The following PDZD2 variants were observed in gnomAD, a reference collection of about 807,000 sequenced individuals.
The protein encoded by PDZD2 is PDZ domain-containing protein 2.
PDZD2 carries 90 observed loss-of-function variants against 220.7 expected under a neutral mutation model. The ratio of observed to expected loss-of-function variants is 0.41; its 90% CI spans 0.34 to 0.49. The LOEUF (loss-of-function observed/expected upper bound fraction) is 0.49, where lower values mean the gene tolerates loss of function less well. Among genes scored for constraint, PDZD2 ranks in the 20% least tolerant of loss-of-function variants. The pLI, the probability that PDZD2 is intolerant of heterozygous loss-of-function variation, is 0.28. For missense variants in PDZD2, 3,174 were observed against 3,608.5 expected (o/e 0.88, Z 3.08); for synonymous variants, 1,375 against 1,450.5 (o/e 0.95, Z 1.18).
intron 24 of PDZD2, chr5:32,103,875 A>C (rs1744488702): frequency 1.3e-5 from 2 of 152,352 alleles, no homozygotes; most frequent in African/African-American, 4.8e-5. Context: ...ATCTGCCTCC[A>C]GCAAAGCAAG....
chr5:32,017,899 T>C (rs1233403586), intron 6 of PDZD2, among the ~76,000 whole-genome samples: 1 of 152,128 alleles, frequency 6.6e-6, no homozygotes, highest in Non-Finnish European at 1.5e-5. Flanking sequence ...TAAACAACCA[T>C]AAAGTGTCAG....
chr5:31,676,438 T>C (rs148273881), intron 1 of PDZD2, among the ~76,000 whole-genome samples: 1 of 151,286 alleles, frequency 6.6e-6, no homozygotes, highest in Non-Finnish European at 1.5e-5. Context: ...GCACTTGAAA[T>C]AGACTTGAAG....
intron 5 of PDZD2, among the ~76,000 whole-genome samples, chr5:32,006,680 C>A (rs1250778310): frequency 1.4e-5 from 2 of 139,706 alleles, no homozygotes; most frequent in Admixed American, 1.4e-4. Flanking sequence ...AGGCTCAACA[C>A]CTTTTTTTTT....
intron 2 of PDZD2, among the ~76,000 whole-genome samples, chr5:31,837,016 AAAAGAAAG>A (rs5867108): frequency 0.15 from 21,986 of 146,540 alleles, 1,694 homozygotes; most frequent in Middle Eastern, 0.19. Context: ...AGACTGTCTT[AAAAGAAAG>A]AAAGAAAGAA....
Position 32,040,728 on chromosome 5 carries a change from G to A in PDZD2, c.1519+3386G>A, listed in dbSNP as rs570272411. ...CTGCCCTGTCTAGGAAGTGAGAAGC[G>A]CCTCTGCCCAGCCGCCCCGTCTGGG... is the stretch of plus-strand genomic sequence containing the variant. On this transcript the variant is annotated intron_variant, in intron 7 of 24. Coordinates refer to ENST00000438447, the MANE Select transcript of PDZD2 (RefSeq NM_178140.4). Among the ~76,000 whole-genome samples the A allele has an allele frequency of 8.3e-4, 120 of 144,920 alleles. 2 individuals carry two copies. In the East Asian group the frequency reaches 0.024, roughly 29 times the overall value.
At chr5:31,857,432 G>C (rs1758557038) in intron 2 of PDZD2, among the ~76,000 whole-genome samples, 1 of 152,124 alleles carries the variant, frequency 6.6e-6, no homozygotes, top group African/African-American at 2.4e-5. Context: ...ACACCTTCCA[G>C]AAGTTCCTGA....
At chr5:31,681,270 A>G (rs1466021051) in intron 1 of PDZD2, among the ~76,000 whole-genome samples, 2 of 152,180 alleles carry the variant, frequency 1.3e-5, no homozygotes, top group African/African-American at 4.8e-5. Flanking sequence ...TTGTTGAGAC[A>G]GAGTCTCACC....
intron 2 of PDZD2, among the ~76,000 whole-genome samples, chr5:31,870,284 G>A (rs544238731): frequency 7.3e-4 from 111 of 152,130 alleles, no homozygotes; most frequent in African/African-American, 2.2e-3. Context: ...AGTCCACCCC[G>A]GCCCCTGCAA....
At chr5:31,881,864 A>G (rs917876155) in intron 2 of PDZD2, among the ~76,000 whole-genome samples, 5 of 150,920 alleles carry the variant, frequency 3.3e-5, no homozygotes, top group African/African-American at 1.2e-4. Flanking sequence ...ACACGCATGC[A>G]TCACCATGCC....
chr5:31,925,774 G>C (rs891147456), intron 2 of PDZD2, among the ~76,000 whole-genome samples: 22 of 130,142 alleles, frequency 1.7e-4, no homozygotes, highest in African/African-American at 5.4e-4. Flanking sequence ...AAAAAAAAAA[G>C]ATAACCCATT....
chr5:32,047,842 C>A (rs1228761783), intron 7 of PDZD2, among the ~76,000 whole-genome samples: 1 of 152,182 alleles, frequency 6.6e-6, no homozygotes, highest in Admixed American at 6.5e-5. Context: ...ATCTCATAAA[C>A]AAATGCTAAG....
At chr5:31,787,891 T>C (rs1441492310) in intron 1 of PDZD2, among the ~76,000 whole-genome samples, 1 of 152,246 alleles carries the variant, frequency 6.6e-6, no homozygotes, top group African/African-American at 2.4e-5. Flanking sequence ...TTATTGTTGC[T>C]GTTTATTTTA....
rs572566811 is a variant in PDZD2, at chr5:31,823,033, C to T, written c.476+23309C>T. The T allele has an allele frequency of 2.6e-4, 300 of 1,174,194 alleles. No individual in the cohort carries two copies. In the African/African-American group the frequency reaches 3.7e-3, roughly 15 times the overall value. The allele number at this position is 1,174,194 out of a possible 1,614,324, so 72.7% of individuals were successfully genotyped here. The stretch of plus-strand genomic sequence containing the variant: ...TACGTTGATGTGATTGAAGTCCCTC[C>T]GCAGGGTTCCTCTGGGGCCCTTCAC... On this transcript the variant is annotated intron_variant, in intron 2 of 24. Coordinates refer to ENST00000438447, the MANE Select transcript of PDZD2 (RefSeq NM_178140.4).
At chr5:32,022,247 G>C (rs1754274833) in intron 6 of PDZD2, among the ~76,000 whole-genome samples, 1 of 148,176 alleles carries the variant, frequency 6.7e-6, no homozygotes, top group African/African-American at 2.5e-5. Flanking sequence ...GCCCAGGCTG[G>C]AGTGCAGTGG....
intron 1 of PDZD2, among the ~76,000 whole-genome samples, chr5:31,675,465 A>G (rs1355273969): frequency 6.6e-6 from 1 of 152,182 alleles, no homozygotes; most frequent in African/African-American, 2.4e-5. Context: ...TTGGCTGCCA[A>G]TCCTATCAAA....
intron 1 of PDZD2, among the ~76,000 whole-genome samples, chr5:31,706,038 C>G (rs139581232): frequency 0.02 from 3,073 of 152,176 alleles, 59 homozygotes; most frequent in South Asian, 0.073. Context: ...GGCCACAGAG[C>G]GAGACTCCAT....
intron 1 of PDZD2, among the ~76,000 whole-genome samples, chr5:31,752,021 T>TTC (rs746577277): frequency 1.2e-3 from 180 of 151,266 alleles, no homozygotes; most frequent in Non-Finnish European, 2.3e-3. Flanking sequence ...TCGAGCAGAT[T>TTC]TCTCTCTCTC....
At chr5:31,847,350 A>C in intron 2 of PDZD2, 2 of 411,612 alleles carry the variant, frequency 4.9e-6, no homozygotes, top group Non-Finnish European at 9.2e-6. Context: ...CAAGAGGGTA[A>C]AACCGATTAC....
chr5:31,958,233 T>G (rs1224242427), intron 2 of PDZD2, among the ~76,000 whole-genome samples: 2 of 148,578 alleles, frequency 1.3e-5, no homozygotes, highest in Admixed American at 1.4e-4. Flanking sequence ...TAGAGGAAAT[T>G]ATCTTGATAT....
Sources: gnomAD v4.1 joint callset for allele counts (sites outside exome capture counted in the v4.1 genomes callset) on GRCh38, gnomAD v4.1.1 for gene constraint, MANE v1.5 for transcripts, NCBI Gene and HGNC (gene_info 2026-07-23, HGNC 2026-07-21) for gene names.